EDARADD: variants seen among roughly 807,000 people sequenced by gnomAD.
EDARADD encodes EDAR associated via death domain, also known as ectodysplasin-A receptor-associated adapter protein.
In EDARADD, 20 loss-of-function variants were observed where a neutral mutation model predicts 25.6. The observed-to-expected ratio is 0.78, with a 90% confidence interval of 0.55 to 1.14. The LOEUF (loss-of-function observed/expected upper bound fraction) is 1.14, where lower values mean the gene tolerates loss of function less well. Ranked by LOEUF, EDARADD falls within the 50% of genes most tolerant of loss-of-function variation. The pLI, the probability that EDARADD is intolerant of heterozygous loss-of-function variation, is 0.00. For missense variants in EDARADD, 225 were observed against 270.1 expected (o/e 0.83, Z 1.17); for synonymous variants, 86 against 94.4 (o/e 0.91, Z 0.52).
At chr1:236,392,684 A>T (rs188792534), upstream of EDARADD, among the ~76,000 whole-genome samples, 385 of 144,778 alleles carry the variant, frequency 2.7e-3, 4 homozygotes, top group Admixed American at 0.014. Context: ...TTATTTATTT[A>T]TTTTGAGATG....
At chr1:236,405,718 CCTTT>C (rs1362458375) in intron 1 of EDARADD, among the ~76,000 whole-genome samples, 123 of 148,900 alleles carry the variant, frequency 8.3e-4, no homozygotes, top group African/African-American at 3.0e-3. Context: ...TCCTCTCCTT[CCTTT>C]CTTTTTCTTT....
At chr1:236,467,224 G>A (rs1304909830) in intron 4 of EDARADD, among the ~76,000 whole-genome samples, 3 of 150,344 alleles carry the variant, frequency 2.0e-5, no homozygotes, top group Non-Finnish European at 4.4e-5. Context: ...TCTGAGACCC[G>A]CATTGGCACC....
chr1:236,456,616 C>T (rs781584912), intron 4 of EDARADD, among the ~76,000 whole-genome samples: 6 of 152,116 alleles, frequency 3.9e-5, no homozygotes, highest in Non-Finnish European at 7.3e-5. Context: ...GCCTCTGCCA[C>T]CACAGGAATG....
chr1:236,431,041 G>A (rs1479171215), intron 4 of EDARADD, among the ~76,000 whole-genome samples: 1 of 152,120 alleles, frequency 6.6e-6, no homozygotes, highest in Non-Finnish European at 1.5e-5. Flanking sequence ...GCTTGAACCA[G>A]CAGGTGGAGG....
At position 236,440,420 on chromosome 1, in the gene EDARADD, T is replaced by C. The variant is rs184304091; in HGVS notation, c.219+12970T>C. Among the ~76,000 whole-genome samples, 681 of 152,310 alleles carry C rather than the reference T, an allele frequency of 4.5e-3. 1 individual carries two copies. The highest frequency in any genetic ancestry group is 6.8e-3 in the Middle Eastern group (2 of 294). ...CATTCACAAAATAACTTGCTGGGAT[T>C]ATGATTGGGATTGCATTTAATCTAT... On this transcript the variant is annotated intron_variant, in intron 4 of 5. Coordinates refer to ENST00000334232, the MANE Select transcript of EDARADD (RefSeq NM_145861.4).
At chr1:236,465,761 T>TG (rs1351567261) in intron 4 of EDARADD, among the ~76,000 whole-genome samples, 1 of 152,202 alleles carries the variant, frequency 6.6e-6, no homozygotes, top group African/African-American at 2.4e-5. Flanking sequence ...AATAAAGGCA[T>TG]GTGTATGCTT....
intron 3 of EDARADD, among the ~76,000 whole-genome samples, chr1:236,425,300 G>T (rs1657886768): frequency 6.6e-6 from 1 of 152,184 alleles, no homozygotes; most frequent in African/African-American, 2.4e-5. Flanking sequence ...GCCACAGACT[G>T]CCATGGCTGT....
At chr1:236,362,071 G>C (rs1433453687) in intron 3 of EDARADD, among the ~76,000 whole-genome samples, 1 of 151,842 alleles carries the variant, frequency 6.6e-6, no homozygotes, top group Non-Finnish European at 1.5e-5. Flanking sequence ...CCCGCAATTG[G>C]TATTGTCATC....
chr1:236,393,792 G>T (rs1220433662), upstream of EDARADD, among the ~76,000 whole-genome samples: 1 of 152,120 alleles, frequency 6.6e-6, no homozygotes, highest in Non-Finnish European at 1.5e-5. Context: ...GATTGTATGG[G>T]AACTCTGGTG....
At chr1:236,387,372 T>TG (rs1390449605) in intron 3 of EDARADD, among the ~76,000 whole-genome samples, 1 of 22,252 alleles carries the variant, frequency 4.5e-5, no homozygotes, top group South Asian at 3.0e-3. Flanking sequence ...GGGAGGGAGG[T>TG]GGGGGGGGTC....
chr1:236,405,042 C>T (rs998567163), intron 1 of EDARADD, among the ~76,000 whole-genome samples: 2 of 150,538 alleles, frequency 1.3e-5, no homozygotes, highest in Admixed American at 1.3e-4. Context: ...TGGAGTGAGC[C>T]GAGATCACGC....
intron 3 of EDARADD, among the ~76,000 whole-genome samples, chr1:236,425,038 C>T (rs982976784): frequency 3.9e-5 from 6 of 152,166 alleles, no homozygotes; most frequent in African/African-American, 1.2e-4. Context: ...AGGTGGCCCC[C>T]GTCGCAGGCA....
At chr1:236,386,920 T>G (rs1298088893) in intron 3 of EDARADD, among the ~76,000 whole-genome samples, 3 of 27,088 alleles carry the variant, frequency 1.1e-4, no homozygotes, top group African/African-American at 3.5e-4. Flanking sequence ...GGGAGGGAGG[T>G]GGGGGGGTCA....
At chr1:236,455,218 A>T (rs1488557082) in intron 4 of EDARADD, among the ~76,000 whole-genome samples, 1 of 151,974 alleles carries the variant, frequency 6.6e-6, no homozygotes, top group Admixed American at 6.6e-5. Context: ...TTAAAAAAAA[A>T]AAAAATAGTG....
intron 3 of EDARADD, among the ~76,000 whole-genome samples, chr1:236,424,385 C>G (rs1657857183): frequency 6.6e-6 from 1 of 151,890 alleles, no homozygotes; most frequent in South Asian, 2.1e-4. Flanking sequence ...TGATTTTGAA[C>G]TCTGGGCCCT....
At chr1:236,390,066 G>T (rs1411118693), upstream of EDARADD, among the ~76,000 whole-genome samples, 1 of 152,164 alleles carries the variant, frequency 6.6e-6, no homozygotes, top group Admixed American at 6.5e-5. Context: ...GATAGGAATG[G>T]AAAACCAAAC....
chr1:236,358,605 T>C (rs1667010330), intron 3 of EDARADD, among the ~76,000 whole-genome samples: 1 of 152,230 alleles, frequency 6.6e-6, no homozygotes, highest in South Asian at 2.1e-4. Flanking sequence ...AACTTCTTGA[T>C]TTCTATCTTA....
intron 5 of EDARADD, among the ~76,000 whole-genome samples, chr1:236,469,889 T>C (rs947940151): frequency 4.6e-5 from 7 of 152,144 alleles, no homozygotes; most frequent in Non-Finnish European, 7.4e-5. Flanking sequence ...TTTGTATTTT[T>C]AGTAGAGACG....
chr1:236,370,594 C>T (rs1667162875), intron 3 of EDARADD, among the ~76,000 whole-genome samples: 1 of 152,108 alleles, frequency 6.6e-6, no homozygotes, highest in Non-Finnish European at 1.5e-5. Context: ...GAGTGCTGAT[C>T]AGTCGGAGAT....
Sources: allele counts gnomAD v4.1 joint callset (sites outside exome capture counted in the v4.1 genomes callset), GRCh38; gene constraint gnomAD v4.1.1; transcripts MANE v1.5; gene names NCBI Gene and HGNC (gene_info 2026-07-23, HGNC 2026-07-21).